Variants in UBR1 observed in about 807,000 individuals in gnomAD.
UBR1 encodes the protein ubiquitin protein ligase E3 component n-recognin 1, also known as E3 ubiquitin-protein ligase UBR1.
In UBR1, 102 loss-of-function variants were observed where a neutral mutation model predicts 242.1. The observed-to-expected ratio is 0.42, with a 90% CI of 0.36 to 0.50. The LOEUF is 0.50. Among genes scored for constraint, UBR1 ranks in the 20% least tolerant of loss-of-function variants. UBR1 has a pLI of 0.01. For missense variants in UBR1, 1,772 were observed against 2,101.8 expected (o/e 0.84, Z 3.07); for synonymous variants, 675 against 684.8 (o/e 0.99, Z 0.22).
chr15:42,972,613 C>T (rs556459195), intron 39 of UBR1, among the ~76,000 whole-genome samples: 1 of 152,280 alleles, frequency 6.6e-6, no homozygotes, highest in East Asian at 1.9e-4. Context: ...TCAGGTGATC[C>T]ACCCGTCTTG....
rs528974684 is a variant in UBR1, at chr15:42,967,044, C to T, written c.4458-758G>A. The stretch of plus-strand genomic sequence containing the variant: ...AAGTGATTATCCTGCCTCAGCCTCC[C>T]GAGTATCTGGGACTAAAGGCACACG... On this transcript the variant is annotated intron_variant, in intron 40 of 46. Coordinates refer to ENST00000290650, the MANE Select transcript of UBR1 (RefSeq NM_174916.3). 1.5e-3 allele frequency among the ~76,000 whole-genome samples: 230 copies of T among 151,938 alleles called. 2 individuals are homozygous for T. Among genetic ancestry groups the T allele is most frequent in the Non-Finnish European group, 6.0e-4 (41 of 67,942 alleles).
rs201922951 is a variant in UBR1 at position 42,963,941 on chromosome 15, A to C, written c.4694T>G (p.Leu1565Arg). Reference sequence around the variant, plus strand: ...TATTTTATCCCCATAGTACCTCTGGAGCAAGGGCCTTACAGTATCCCAATA... The same window carrying C: ...TATTTTATCCCCATAGTACCTCTGGCGCAAGGGCCTTACAGTATCCCAATA... ...QEYWDTVRPLLQRWCADPALL... is the reference protein window; with the variant it reads ...QEYWDTVRPLRQRWCADPALL... The change falls in exon 42 of 47, where the codon CTC (leucine) becomes CGC (arginine). Residue 1565 changes from leucine to arginine, a missense_variant. By Grantham distance (102) the Leu-to-Arg change is moderately radical. Coordinates refer to ENST00000290650, the MANE Select transcript of UBR1 (RefSeq NM_174916.3). 42 of 1,607,016 alleles carry C rather than the reference A, an allele frequency of 2.6e-5. 1 individual carries two copies. In the Admixed American group the frequency reaches 7.0e-4, roughly 27 times the overall value.
intron 13 of UBR1, among the ~76,000 whole-genome samples, chr15:43,047,493 C>T (rs1390004050): frequency 6.6e-6 from 1 of 152,204 alleles, no homozygotes; most frequent in Non-Finnish European, 1.5e-5. Context: ...TCTGGTATTT[C>T]TAGCTGTGTG....
At chr15:43,078,256 G>A (rs956754485) in intron 3 of UBR1, among the ~76,000 whole-genome samples, 2 of 152,136 alleles carry the variant, frequency 1.3e-5, no homozygotes, top group Non-Finnish European at 2.9e-5. Flanking sequence ...ACTTTTGGAA[G>A]AAAATCAGAT....
intron 3 of UBR1, among the ~76,000 whole-genome samples, chr15:43,075,676 C>T (rs1188431095): frequency 6.6e-6 from 1 of 150,618 alleles, no homozygotes; most frequent in Non-Finnish European, 1.5e-5. Flanking sequence ...AGTGCAATGG[C>T]GTGATCTTGG....
At chr15:42,975,559 G>A (rs1485828689) in intron 39 of UBR1, among the ~76,000 whole-genome samples, 1 of 152,112 alleles carries the variant, frequency 6.6e-6, no homozygotes, top group African/African-American at 2.4e-5. Context: ...GTGTACCACA[G>A]GGTAAATGCA....
intron 15 of UBR1, among the ~76,000 whole-genome samples, chr15:43,039,690 C>G (rs1216052431): frequency 1.3e-5 from 2 of 152,148 alleles, no homozygotes; most frequent in Admixed American, 6.5e-5. Context: ...TGCCTGACTG[C>G]CCTGGCCAGA....
intron 15 of UBR1, among the ~76,000 whole-genome samples, chr15:43,042,922 T>A (rs1338150643): frequency 6.6e-6 from 1 of 152,108 alleles, no homozygotes; most frequent in East Asian, 1.9e-4. Context: ...AGCAACCAGA[T>A]TTTATTATAT....
chr15:43,005,230 C>T (rs908405826), intron 30 of UBR1, among the ~76,000 whole-genome samples: 6 of 152,104 alleles, frequency 3.9e-5, no homozygotes, highest in South Asian at 2.1e-4. Context: ...GGCAGCCGCC[C>T]GGTCCAGGAG....
At chr15:43,022,493 T>G (rs2033122897) in intron 26 of UBR1, among the ~76,000 whole-genome samples, 1 of 150,956 alleles carries the variant, frequency 6.6e-6, no homozygotes, top group South Asian at 2.1e-4. Context: ...AAGATTATAG[T>G]AAGGGATTAA....
In UBR1 at chr15:43,104,267, G is replaced by A. The variant is rs115237671; in HGVS notation, c.81+1675C>T. On this transcript the variant is annotated intron_variant, in intron 1 of 46. Coordinates refer to ENST00000290650, the MANE Select transcript of UBR1 (RefSeq NM_174916.3). ...CAAATTAGTGACGTCCAGAATGATG[G>A]GGTTTTATTGTATTATCTGGAAAAA... is the stretch of plus-strand genomic sequence containing the variant. Among the ~76,000 whole-genome samples, 882 of 152,118 alleles carry A rather than the reference G, an allele frequency of 5.8e-3. 10 individuals are homozygous for A. The highest frequency in any genetic ancestry group is 0.02 in the African/African-American group (838 of 41,496).
intron 11 of UBR1, among the ~76,000 whole-genome samples, chr15:43,055,697 C>T (rs1337476837): frequency 6.6e-6 from 1 of 152,068 alleles, no homozygotes; most frequent in African/African-American, 2.4e-5. Flanking sequence ...GGCAGATCAC[C>T]TGAGGTCAGG....
chr15:42,960,776 C>CTTT, intron 42 of UBR1, 75 bp from the exon 43 acceptor site: 3 of 1,316,488 alleles, frequency 2.3e-6, no homozygotes, highest in Non-Finnish European at 3.1e-6. Flanking sequence ...AAGCCATTCT[C>CTTT]TTTTTTTTTT....
intron 40 of UBR1, among the ~76,000 whole-genome samples, chr15:42,969,368 C>CT (rs1279822227): frequency 6.6e-6 from 1 of 151,794 alleles, no homozygotes; most frequent in African/African-American, 2.4e-5. Flanking sequence ...GAGTTGTTTG[C>CT]TTTTTTCTTG....
chr15:43,099,979 C>A (rs1479521677), intron 1 of UBR1, among the ~76,000 whole-genome samples: 2 of 151,914 alleles, frequency 1.3e-5, no homozygotes, highest in Non-Finnish European at 2.9e-5. Flanking sequence ...AGGTTCACGC[C>A]ATTCTCCTGC....
At chr15:42,981,571 G>T (rs888353511) in intron 37 of UBR1, among the ~76,000 whole-genome samples, 1 of 151,928 alleles carries the variant, frequency 6.6e-6, no homozygotes, top group Non-Finnish European at 1.5e-5. Flanking sequence ...CTCACTGCAA[G>T]CTCTGCCTCC....
chr15:43,005,582 TG>T (rs980427105), intron 30 of UBR1, among the ~76,000 whole-genome samples: 61 of 151,816 alleles, frequency 4.0e-4, no homozygotes, highest in Admixed American at 1.3e-3. Context: ...CCACCCCGTC[TG>T]GGAGGTGTAC....
intron 40 of UBR1, among the ~76,000 whole-genome samples, chr15:42,968,349 G>A (rs2032145579): frequency 6.7e-6 from 1 of 149,766 alleles, no homozygotes; most frequent in Non-Finnish European, 1.5e-5. Context: ...AACCTATCCT[G>A]TAGCAAACAA....
intron 5 of UBR1, among the ~76,000 whole-genome samples, chr15:43,070,455 T>A (rs2033810986): frequency 6.6e-6 from 1 of 152,020 alleles, no homozygotes; most frequent in Non-Finnish European, 1.5e-5. Context: ...AACCAGACAT[T>A]AGTCCAGGCC....
Sources: gnomAD v4.1 joint callset for allele counts (sites outside exome capture counted in the v4.1 genomes callset) on GRCh38, gnomAD v4.1.1 for gene constraint, MANE v1.5 for transcripts, NCBI Gene and HGNC (gene_info 2026-07-23, HGNC 2026-07-21) for gene names.